ZNF783: variants seen among roughly 807,000 people sequenced by gnomAD.
The protein encoded by ZNF783 is zinc finger protein 783, also known as protein ZNF783.
A neutral mutation model predicts 31.3 loss-of-function variants in ZNF783; 25 were observed. That is an observed-to-expected ratio of 0.80 (90% CI 0.58 to 1.11). ZNF783 has a LOEUF of 1.11. Ranked by LOEUF, ZNF783 falls within the 50% of genes most tolerant of loss-of-function variation. The pLI is 0.00. For synonymous variants in ZNF783, 369 were observed against 319.1 expected, an observed-to-expected ratio of 1.16 and a Z score of -1.66; for missense variants, 797 against 760.0, an observed-to-expected ratio of 1.05 and a Z score of -0.57.
Position 149,262,244 on chromosome 7 carries a change from C to A in ZNF783, c.-90C>A. The A allele has an allele frequency of 8.2e-7, 1 of 1,217,010 alleles. No individual in the cohort carries two copies. 75.4% of individuals were successfully genotyped at this position (1,217,010 alleles called of 1,614,324 possible). On this transcript the variant is annotated 5_prime_UTR_variant, in exon 1 of 6. Transcript: ENST00000434415. ...GCAGTAGCTCTCAGGTTAGGCGGGTCCCGCTCCGCTTCCGCCGTCGCTGCC... is the reference window on the plus strand; with the variant it reads ...GCAGTAGCTCTCAGGTTAGGCGGGTACCGCTCCGCTTCCGCCGTCGCTGCC...
rs1384912421 is a variant in ZNF783, at chr7:149,266,682, C to T, written c.372C>T (p.Asn124=). 1 of 1,613,998 alleles carries T rather than the reference C, an allele frequency of 6.2e-7. No individual in the cohort carries two copies. Among genetic ancestry groups the T allele is most frequent in the African/African-American group, 1.3e-5 (1 of 74,920 alleles). Residue 124 remains asparagine, a synonymous_variant, in exon 2 of 6, where the codon AAC becomes AAT. Transcript: ENST00000434415. Reference sequence around the variant, plus strand: ...TGGAGAACTTGCTGCGCAACAGGAACTTCTGGATCTTGCGGCTGCCCCCGG... The same window carrying T: ...TGGAGAACTTGCTGCGCAACAGGAATTTCTGGATCTTGCGGCTGCCCCCGG... The part of the protein sequence containing the change: ...ENVENLLRNR[N]FWILRLPPGS...
In ZNF783 at chr7:149,282,481, TTGTG is replaced by T; in HGVS notation, c.*143_*146del. 1.3e-6 allele frequency: 1 copy of T among 759,372 alleles called. No individual in the cohort carries two copies. The highest frequency in any genetic ancestry group is 2.0e-6 in the Non-Finnish European group (1 of 492,384). 47.0% of individuals were successfully genotyped at this position (759,372 alleles called of 1,614,324 possible). ...GAAGCTAGCTGCCCTTCTGGTGACA[TTGTG>T]TGTGACCGGGTGCTTTCTGTTTCCT... On this transcript the variant is annotated 3_prime_UTR_variant, in exon 6 of 6. Coordinates refer to ENST00000434415, the MANE Select transcript of ZNF783 (RefSeq NM_001195220.2).
At position 149,282,371 on chromosome 7, in the gene ZNF783, G is replaced by C. The variant is rs954619805; in HGVS notation, c.*28G>C. 8 of 1,446,472 alleles carry C rather than the reference G, an allele frequency of 5.5e-6. No individual in the cohort carries two copies. The highest frequency in any genetic ancestry group is 1.4e-5 in the African/African-American group (1 of 69,784). 89.6% of individuals were successfully genotyped at this position (1,446,472 alleles called of 1,614,324 possible). A position where few individuals can be genotyped will look rare whatever the true frequency, so the allele number is the denominator to read the frequency against. On this transcript the variant is annotated 3_prime_UTR_variant, in exon 6 of 6. Coordinates refer to ENST00000434415, the MANE Select transcript of ZNF783 (RefSeq NM_001195220.2). The stretch of plus-strand genomic sequence containing the variant: ...TGGCAGGAGCCCACAGAGGACCCCT[G>C]GCGGGGTCTCTCCCCTGTGCCTGAC...
chr7:149,263,269 T>TAC (rs1157182053), intron 1 of ZNF783, among the ~76,000 whole-genome samples: 1 of 40,106 alleles, frequency 2.5e-5, no homozygotes, highest in Non-Finnish European at 5.0e-5. Flanking sequence ...TATATACGTG[T>TAC]GTGTGTGTGT....
Position 149,284,102 on chromosome 7 carries a change from GTC to G in ZNF783, c.*1764_*1765del, listed in dbSNP as rs767009405. The G allele has an allele frequency of 2.6e-5, 4 of 152,308 alleles. No individual in the cohort carries two copies. Among genetic ancestry groups the G allele is most frequent in the East Asian group, 1.9e-4 (1 of 5,178 alleles). The allele number at this position is 152,308 out of a possible 1,614,324, so 9.4% of individuals were successfully genotyped here. Reference sequence around the variant, plus strand: ...GTCTGGAGGTCAGCTGGCTTCTGGTGTCTCTCATCACACCACTGCGGACGCTG... The same window carrying G: ...GTCTGGAGGTCAGCTGGCTTCTGGTGTCTCATCACACCACTGCGGACGCTG... On this transcript the variant is annotated 3_prime_UTR_variant, in exon 6 of 6. Transcript: ENST00000434415.
chr7:149,263,304 G>GTATA (rs59725451), intron 1 of ZNF783, among the ~76,000 whole-genome samples: 809 of 64,258 alleles, frequency 0.013, 4 homozygotes, highest in Non-Finnish European at 0.016. Flanking sequence ...GTGTGTGTGT[G>GTATA]TATATATATA....
chr7:149,265,926 G>C (rs901430773), intron 1 of ZNF783, among the ~76,000 whole-genome samples: 18 of 152,220 alleles, frequency 1.2e-4, no homozygotes, highest in Middle Eastern at 6.3e-3. Context: ...CACCTGGGCT[G>C]TCCACTGGGG....
rs767863188 is a variant in ZNF783, at chr7:149,281,712, C to T, written c.1010C>T (p.Thr337Met). ...CGGCCACCGGGGGCCAGTGGGGAGA[C>T]GCCCCGAGTCCTCTCCCGCAGGCGG... ...EPRPPGASGE[T>M]PRVLSRRRQR... The change falls in exon 6 of 6, where the codon ACG becomes ATG. Residue 337 changes from threonine (T) to methionine (M), a missense_variant. By Grantham distance (81) the Thr-to-Met change is moderately conservative. Coordinates refer to ENST00000434415, the MANE Select transcript of ZNF783 (RefSeq NM_001195220.2). 1.6e-5 allele frequency: 24 copies of T among 1,486,846 alleles called. No individual in the cohort carries two copies. The highest frequency in any genetic ancestry group is 2.4e-5 in the East Asian group (1 of 41,684). The allele number at this position is 1,486,846 out of a possible 1,614,324, so 92.1% of individuals were successfully genotyped here. A position where few individuals can be genotyped will look rare whatever the true frequency, so the allele number is the denominator to read the frequency against.
At chr7:149,264,274 T>C (rs1177482741) in intron 1 of ZNF783, among the ~76,000 whole-genome samples, 1 of 152,204 alleles carries the variant, frequency 6.6e-6, no homozygotes, top group Non-Finnish European at 1.5e-5. Context: ...TTACTAGTGC[T>C]AAGGGGGAGG....
At chr7:149,270,085 G>A (rs906220461) in intron 4 of ZNF783, among the ~76,000 whole-genome samples, 1 of 152,120 alleles carries the variant, frequency 6.6e-6, no homozygotes, top group African/African-American at 2.4e-5. Context: ...GGACATTTGG[G>A]TTGGTTCCAA....
In ZNF783 at chr7:149,282,413, C is replaced by T. The variant is rs1371866367; in HGVS notation, c.*70C>T. On this transcript the variant is annotated 3_prime_UTR_variant, in exon 6 of 6. Coordinates refer to ENST00000434415, the MANE Select transcript of ZNF783 (RefSeq NM_001195220.2). ...GTGCCTGACGCAGGTTCTTCCTTTTCCTGGGATGGAGAGAGGTTTGTTGTT... is the reference window on the plus strand; with the variant it reads ...GTGCCTGACGCAGGTTCTTCCTTTTTCTGGGATGGAGAGAGGTTTGTTGTT... 8 of 1,285,210 alleles carry T rather than the reference C, an allele frequency of 6.2e-6. No individual in the cohort carries two copies. Among genetic ancestry groups the T allele is most frequent in the African/African-American group, 1.5e-5 (1 of 65,764 alleles). The allele number at this position is 1,285,210 out of a possible 1,614,324, so 79.6% of individuals were successfully genotyped here.
intron 1 of ZNF783, 101 bp downstream of exon 1, chr7:149,262,458 C>A: frequency 1.0e-6 from 1 of 995,580 alleles, no homozygotes; most frequent in Non-Finnish European, 1.3e-6. Flanking sequence ...GGTGAGAGGG[C>A]CTTGCGCGCA....
At chr7:149,264,684 C>G (rs1202619655) in intron 1 of ZNF783, among the ~76,000 whole-genome samples, 2 of 151,848 alleles carry the variant, frequency 1.3e-5, no homozygotes, top group Admixed American at 1.3e-4. Flanking sequence ...ACCAGCCTGG[C>G]CAATATGGTG....
intron 4 of ZNF783, chr7:149,275,508 G>A (rs977952796): frequency 1.3e-5 from 2 of 151,854 alleles, no homozygotes; most frequent in African/African-American, 4.8e-5. Flanking sequence ...AAGTAGAGAC[G>A]GGGTTTCACT....
chr7:149,266,671 C>T lies in ZNF783; in HGVS notation c.361C>T (p.Arg121Cys), dbSNP rs750220796. The change falls in exon 2 of 6, where the codon CGC becomes TGC. Residue 121 changes from arginine to cysteine, a missense_variant. Physicochemically the swap from Arg to Cys is radical, Grantham distance 180. Coordinates refer to ENST00000434415, the MANE Select transcript of ZNF783 (RefSeq NM_001195220.2). ...GCTGGAGAATGTGGAGAACTTGCTG[C>T]GCAACAGGAACTTCTGGATCTTGCG... is the stretch of plus-strand genomic sequence containing the variant. ...RRLENVENLL[R>C]NRNFWILRLP... 1.2e-5 allele frequency: 20 copies of T among 1,613,954 alleles called. No homozygotes were observed. The highest frequency in any genetic ancestry group is 4.4e-5 in the South Asian group (4 of 91,078).
rs1339535210 is a variant in ZNF783 at position 149,281,916 on chromosome 7, T to C, written c.1214T>C (p.Val405Ala). The C allele has an allele frequency of 1.3e-6, 2 of 1,529,546 alleles. No homozygotes were observed. Among genetic ancestry groups the C allele is most frequent in the Non-Finnish European group, 1.8e-6 (2 of 1,142,772 alleles). The allele number at this position is 1,529,546 out of a possible 1,614,324, so 94.7% of individuals were successfully genotyped here. ...EPGEVVVPGP[V>A]IRWLPEEPEG... The stretch of plus-strand genomic sequence containing the variant: ...GGGGAGGTGGTGGTACCCGGCCCTG[T>C]CATCCGCTGGCTCCCCGAGGAGCCT... Residue 405 changes from valine (V) to alanine (A), a missense_variant, in exon 6 of 6, where the codon GTC (valine) becomes GCC (alanine). Coordinates refer to ENST00000434415, the MANE Select transcript of ZNF783 (RefSeq NM_001195220.2).
chr7:149,263,080 T>C (rs1274870791), intron 1 of ZNF783, among the ~76,000 whole-genome samples: 1 of 150,550 alleles, frequency 6.6e-6, no homozygotes, highest in East Asian at 2.0e-4. Context: ...AGGCGCCTGC[T>C]ACCACGCCTG....
rs111975870 is a variant in ZNF783 at position 149,276,859 on chromosome 7, T to A, written c.674-1540T>A. Reference sequence around the variant, plus strand: ...GCGTTTGGTGGTTATTTATTTATTTTTTTTTTTGAGATGGAGTCTTGCTCT... The same window carrying A: ...GCGTTTGGTGGTTATTTATTTATTTATTTTTTTGAGATGGAGTCTTGCTCT... On this transcript the variant is annotated intron_variant, in intron 4 of 5. Coordinates refer to ENST00000434415, the MANE Select transcript of ZNF783 (RefSeq NM_001195220.2). Among the ~76,000 whole-genome samples the A allele has an allele frequency of 5.1e-3, 769 of 151,844 alleles. 8 individuals carry two copies. Among genetic ancestry groups the A allele is most frequent in the African/African-American group, 0.015 (636 of 41,408 alleles).
intron 1 of ZNF783, among the ~76,000 whole-genome samples, chr7:149,264,696 A>G (rs1166058619): frequency 6.6e-6 from 1 of 151,968 alleles, no homozygotes; most frequent in Non-Finnish European, 1.5e-5. Context: ...AATATGGTGA[A>G]AGCCTGTCTC....
Sources: allele counts gnomAD v4.1 joint callset (sites outside exome capture counted in the v4.1 genomes callset), GRCh38; gene constraint gnomAD v4.1.1; transcripts MANE v1.5; gene names NCBI Gene and HGNC (gene_info 2026-07-23, HGNC 2026-07-21).